The following PPP2R5C variants were observed in gnomAD, a reference collection of about 807,000 sequenced individuals.
The protein encoded by PPP2R5C is protein phosphatase 2 regulatory subunit B'gamma.
In PPP2R5C, 7 loss-of-function variants were observed where a neutral mutation model predicts 68.9. The ratio of observed to expected loss-of-function variants is 0.10; its 90% CI spans 0.06 to 0.19. The LOEUF (loss-of-function observed/expected upper bound fraction) is 0.19. Ranked by LOEUF, PPP2R5C falls within the 10% of genes least tolerant of loss-of-function variation. PPP2R5C has a pLI of 1.00. For synonymous variants in PPP2R5C, 210 were observed against 222.2 expected (o/e 0.95, Z 0.49); for missense variants, 348 against 641.3 (o/e 0.54, Z 4.94).
chr14:101,849,871 C>G (rs920976581), intron 1 of PPP2R5C, among the ~76,000 whole-genome samples: 4 of 152,200 alleles, frequency 2.6e-5, no homozygotes, highest in South Asian at 4.1e-4. Flanking sequence ...CAGAGCCTGG[C>G]TGTTTTCATT....
chr14:101,898,163 A>G (rs1161602520), intron 8 of PPP2R5C, among the ~76,000 whole-genome samples: 1 of 152,210 alleles, frequency 6.6e-6, no homozygotes, highest in African/African-American at 2.4e-5. Flanking sequence ...CCTGTCTCAA[A>G]TAAATAAGTA....
intron 1 of PPP2R5C, among the ~76,000 whole-genome samples, chr14:101,836,861 C>A (rs1487217718): frequency 6.6e-6 from 1 of 152,226 alleles, no homozygotes; most frequent in African/African-American, 2.4e-5. Context: ...AATAATGAAA[C>A]AGGGTTATTC....
chr14:101,800,366 A>G (rs1055345205), intron 3 of PPP2R5C, among the ~76,000 whole-genome samples: 1 of 152,230 alleles, frequency 6.6e-6, no homozygotes, highest in Non-Finnish European at 1.5e-5. Context: ...GTTTGAGACC[A>G]GCCTGGGCAA....
intron 2 of PPP2R5C, among the ~76,000 whole-genome samples, chr14:101,875,253 G>A (rs1316601524): frequency 6.6e-6 from 1 of 152,134 alleles, no homozygotes; most frequent in African/African-American, 2.4e-5. Flanking sequence ...AGAAGGCTCT[G>A]CTCTCCCTTA....
intron 2 of PPP2R5C, among the ~76,000 whole-genome samples, chr14:101,770,155 AGTGACTGTAAAGGTTTCTCT>A (rs1264411279): frequency 6.6e-6 from 1 of 152,208 alleles, no homozygotes; most frequent in African/African-American, 2.4e-5. Context: ...ATTATGTGGC[AGTGACTGTAAAGGTTTCTCT>A]GTGATCTTTT....
At chr14:101,842,215 TGGTAAACCTCTTGAATAACC>T (rs1487603293) in intron 1 of PPP2R5C, among the ~76,000 whole-genome samples, 1 of 152,200 alleles carries the variant, frequency 6.6e-6, no homozygotes, top group Non-Finnish European at 1.5e-5. Flanking sequence ...ACCTTTTAGC[TGGTAAACCTCTTGAATAACC>T]GGCCAGCCAT....
intron 3 of PPP2R5C, among the ~76,000 whole-genome samples, chr14:101,801,202 G>A (rs1473398644): frequency 1.3e-5 from 2 of 152,226 alleles, no homozygotes; most frequent in Non-Finnish European, 2.9e-5. Flanking sequence ...GTAGCTGGAA[G>A]AGAAGAATTG....
chr14:101,920,092 G>T (rs1250542362), intron 13 of PPP2R5C, among the ~76,000 whole-genome samples: 1 of 151,966 alleles, frequency 6.6e-6, no homozygotes, highest in Non-Finnish European at 1.5e-5. Flanking sequence ...GAATAAACTA[G>T]GTCCAAAATG....
chr14:101,863,264 A>T (rs1161128155), intron 2 of PPP2R5C, among the ~76,000 whole-genome samples: 1 of 151,752 alleles, frequency 6.6e-6, no homozygotes, highest in Non-Finnish European at 1.5e-5. Flanking sequence ...GCCGAGATTG[A>T]GCCACTGCAC....
At chr14:101,880,928 A>G (rs556328376) in intron 2 of PPP2R5C, among the ~76,000 whole-genome samples, 2 of 152,326 alleles carry the variant, frequency 1.3e-5, no homozygotes, top group African/African-American at 4.8e-5. Context: ...TTGTTATCGT[A>G]GAGTCAGATT....
At chr14:101,900,969 C>G (rs200862958) in intron 8 of PPP2R5C, among the ~76,000 whole-genome samples, 2 of 152,220 alleles carry the variant, frequency 1.3e-5, no homozygotes, top group East Asian at 3.8e-4. Flanking sequence ...ACGCCCTGCC[C>G]GGGAGGTCCC....
intron 5 of PPP2R5C, 64 bp from the exon 8 acceptor site, chr14:101,890,173 A>G (rs1269169648): frequency 1.4e-6 from 2 of 1,434,172 alleles, no homozygotes; most frequent in African/African-American, 2.8e-5. Context: ...CTCCTCCTAG[A>G]GCATTGTTTT....
At chr14:101,833,925 C>T (rs2040920575) in intron 1 of PPP2R5C, among the ~76,000 whole-genome samples, 1 of 152,188 alleles carries the variant, frequency 6.6e-6, no homozygotes, top group South Asian at 2.1e-4. Flanking sequence ...CCACAGCCTC[C>T]CATGTAGCTG....
chr14:101,885,976 T>C (rs574635315), intron 5 of PPP2R5C, among the ~76,000 whole-genome samples: 1 of 152,380 alleles, frequency 6.6e-6, no homozygotes, highest in Admixed American at 6.5e-5. Flanking sequence ...CTATTGAACA[T>C]CTGCATTTAA....
At chr14:101,836,277 C>T in intron 1 of PPP2R5C, 1 of 702,834 alleles carries the variant, frequency 1.4e-6, no homozygotes, top group South Asian at 1.5e-5. Context: ...CATGGAGAAC[C>T]CCGCGGCCCC....
chr14:101,889,866 G>A (rs150239695), intron 5 of PPP2R5C: 62 of 404,948 alleles, frequency 1.5e-4, no homozygotes, highest in African/African-American at 9.2e-4. Flanking sequence ...ATTAATGAAC[G>A]AGTAAAAGAT....
chr14:101,869,290 T>G (rs557038812), intron 2 of PPP2R5C, among the ~76,000 whole-genome samples: 3 of 152,270 alleles, frequency 2.0e-5, no homozygotes, highest in Non-Finnish European at 4.4e-5. Flanking sequence ...CTTCTCAGTG[T>G]TGTCTCATTA....
chr14:101,878,775 T>A (rs1279313397), intron 2 of PPP2R5C, among the ~76,000 whole-genome samples: 1 of 152,194 alleles, frequency 6.6e-6, no homozygotes, highest in Non-Finnish European at 1.5e-5. Context: ...TCAAGAGTGA[T>A]CGCTACTTGA....
At chr14:101,923,462 G>A (rs1407494440) in intron 13 of PPP2R5C, among the ~76,000 whole-genome samples, 3 of 152,130 alleles carry the variant, frequency 2.0e-5, no homozygotes, top group African/African-American at 7.2e-5. Context: ...CATAGAATGG[G>A]CATAAAATTC....
Sources: gnomAD v4.1 joint callset for allele counts (sites outside exome capture counted in the v4.1 genomes callset) on GRCh38, gnomAD v4.1.1 for gene constraint, MANE v1.5 for transcripts, NCBI Gene and HGNC (gene_info 2026-07-23, HGNC 2026-07-21) for gene names.